The following VAMP5 variants were observed in gnomAD, a reference collection of about 807,000 sequenced individuals.
VAMP5 encodes vesicle associated membrane protein 5, also known as vesicle-associated membrane protein 5.
In VAMP5, 10 loss-of-function variants were observed where a neutral mutation model predicts 8.1. The observed-to-expected ratio is 1.23, with a 90% CI of 0.76 to 2.09. The LOEUF is 2.09. Among genes scored for constraint, VAMP5 ranks in the 30% most tolerant of loss-of-function variants. VAMP5 has a pLI of 0.00. For synonymous variants in VAMP5, 62 were observed against 60.6 expected (o/e 1.02, Z -0.11); for missense variants, 135 against 152.5 (o/e 0.89, Z 0.60).
chr2:85,587,534 G>A (rs898957268), intron 1 of VAMP5, among the ~76,000 whole-genome samples: 10 of 151,150 alleles, frequency 6.6e-5, no homozygotes, highest in Non-Finnish European at 1.2e-4. Context: ...TTACAGGCGT[G>A]AGCCACCACA....
intron 1 of VAMP5, among the ~76,000 whole-genome samples, 182 bp downstream of exon 1, chr2:85,584,675 T>C (rs951397490): frequency 1.1e-4 from 17 of 152,182 alleles, no homozygotes; most frequent in African/African-American, 3.6e-4. Flanking sequence ...GCGCGCCGCA[T>C]GGGAGAGAAA....
intron 1 of VAMP5, 188 bp from the exon 2 acceptor site, chr2:85,591,537 T>A: frequency 1.2e-6 from 1 of 804,534 alleles, no homozygotes; most frequent in South Asian, 1.8e-5. Flanking sequence ...CCTGTGAGAC[T>A]TAAGGTGTGC....
intron 1 of VAMP5, among the ~76,000 whole-genome samples, chr2:85,589,948 G>C (rs189511038): frequency 1.3e-5 from 2 of 152,318 alleles, no homozygotes; most frequent in African/African-American, 4.8e-5. Context: ...GTGAGCCACT[G>C]CGCCCAGCCT....
rs572114891 is a variant in VAMP5 at position 85,592,249 on chromosome 2, C to T, written c.141+387C>T. Among the ~76,000 whole-genome samples the T allele has an allele frequency of 2.6e-5, 4 of 152,306 alleles. No homozygotes were observed. The East Asian group carries it at 7.7e-4, about 29-fold the overall frequency. On this transcript the variant is annotated intron_variant, in intron 2 of 2. Transcript: ENST00000306384. The stretch of plus-strand genomic sequence containing the variant: ...AAGAGCTAGGACTACAAGCCTGCAC[C>T]ACCATGCCTGTCTAATTTTTGATTT...
intron 1 of VAMP5, 58 bp from the exon 2 acceptor site, chr2:85,591,667 G>A: frequency 6.2e-7 from 1 of 1,610,088 alleles, no homozygotes; most frequent in African/African-American, 1.3e-5. Flanking sequence ...AGATCTCAGG[G>A]GCAGATGAGG....
chr2:85,592,977 C>A lies in VAMP5; in HGVS notation c.171C>A (p.Asn57Lys), dbSNP rs1229154101. 1 of 1,613,948 alleles carries A rather than the reference C, an allele frequency of 6.2e-7. No individual in the cohort carries two copies. Among genetic ancestry groups the A allele is most frequent in the Non-Finnish European group, 8.5e-7 (1 of 1,180,038 alleles). ...CAACCTTCAACAAGACTACACAGAA[C>A]CTGGCCCAGAAGAAGTGCTGGGAGA... ...MSSTFNKTTQ[N>K]LAQKKCWENI... The change falls in exon 3 of 3, where the codon AAC becomes AAA. Residue 57 changes from asparagine to lysine, a missense_variant. By Grantham distance (94) the Asn-to-Lys change is moderately conservative. Transcript: ENST00000306384.
intron 1 of VAMP5, among the ~76,000 whole-genome samples, chr2:85,587,243 G>A (rs1245044542): frequency 3.3e-5 from 5 of 150,604 alleles, no homozygotes; most frequent in Non-Finnish European, 7.4e-5. Flanking sequence ...AGGTTTTACT[G>A]ACCACCTGTA....
intron 2 of VAMP5, among the ~76,000 whole-genome samples, chr2:85,592,540 C>T (rs964567832): frequency 4.6e-5 from 7 of 152,066 alleles, no homozygotes; most frequent in East Asian, 3.9e-4. Flanking sequence ...CGGTGTCTCA[C>T]GCCTGTAATC....
Position 85,591,759 on chromosome 2 carries a change from C to T in VAMP5, c.38C>T (p.Ala13Val), listed in dbSNP as rs200377485. 5.6e-6 allele frequency: 9 copies of T among 1,614,066 alleles called. 1 individual carries two copies. Among genetic ancestry groups the T allele is most frequent in the Admixed American group, 3.3e-5 (2 of 60,028 alleles). ...GAGTTGGAGCGGTGCCAGCAGCAGGCGAACGAGGTGACGGAAATTATGCGT... is the reference window on the plus strand; with the variant it reads ...GAGTTGGAGCGGTGCCAGCAGCAGGTGAACGAGGTGACGGAAATTATGCGT... The part of the protein sequence containing the change: ...GIELERCQQQ[A>V]NEVTEIMRNN... Residue 13 changes from alanine to valine, a missense_variant, in exon 2 of 3, where the codon GCG becomes GTG. Ala to Val is a moderately conservative substitution (Grantham distance 64). Coordinates refer to ENST00000306384, the MANE Select transcript of VAMP5 (RefSeq NM_006634.3).
At chr2:85,589,994 A>T (rs1376980276) in intron 1 of VAMP5, among the ~76,000 whole-genome samples, 1 of 152,086 alleles carries the variant, frequency 6.6e-6, no homozygotes, top group East Asian at 1.9e-4. Context: ...AGTTCAAAGG[A>T]TTGAATGATG....
chr2:85,591,085 T>C (rs1329724870), intron 1 of VAMP5, among the ~76,000 whole-genome samples: 2 of 152,162 alleles, frequency 1.3e-5, no homozygotes, highest in Admixed American at 6.5e-5. Flanking sequence ...CCACTGAGGT[T>C]CCCAGACGGA....
chr2:85,587,813 C>A (rs139767061), intron 1 of VAMP5, among the ~76,000 whole-genome samples: 2,766 of 152,252 alleles, frequency 0.018, 38 homozygotes, highest in Middle Eastern at 0.034. Context: ...AGGATTTCAA[C>A]AGACGGGTGC....
chr2:85,584,516 C>T, intron 1 of VAMP5, 23 bp downstream of exon 1: 1 of 1,238,000 alleles, frequency 8.1e-7, no homozygotes, highest in Non-Finnish European at 1.0e-6. Context: ...GCGGGGCCGG[C>T]CAGCCCTGCG....
chr2:85,587,289 G>A (rs537310874), intron 1 of VAMP5, among the ~76,000 whole-genome samples: 15 of 149,788 alleles, frequency 1.0e-4, no homozygotes, highest in Admixed American at 2.7e-4. Flanking sequence ...ACAGAATCTC[G>A]CTCTGTCGCC....
chr2:85,588,882 C>G (rs1036404514), intron 1 of VAMP5, among the ~76,000 whole-genome samples: 4 of 152,220 alleles, frequency 2.6e-5, no homozygotes, highest in African/African-American at 9.6e-5. Flanking sequence ...GGCACCCTCT[C>G]TGTGGCAGCT....
intron 1 of VAMP5, among the ~76,000 whole-genome samples, chr2:85,588,671 G>A (rs1027660294): frequency 6.6e-6 from 1 of 152,068 alleles, no homozygotes; most frequent in Non-Finnish European, 1.5e-5. Flanking sequence ...ACTGTCACCC[G>A]TGGCTCAAAA....
rs144330389 is a variant in VAMP5, at chr2:85,592,491, C to T, written c.142-457C>T. Among the ~76,000 whole-genome samples the T allele has an allele frequency of 9.9e-4, 151 of 152,128 alleles. 2 individuals are homozygous for T. The Middle Eastern group carries it at 0.017, about 17-fold the overall frequency. ...GATGAGTCAGGCTGGGAGGGTTCCA[C>T]GGCAGGTGGTATAGAAAGAGAGCAG... On this transcript the variant is annotated intron_variant, in intron 2 of 2. Coordinates refer to ENST00000306384, the MANE Select transcript of VAMP5 (RefSeq NM_006634.3).
intron 1 of VAMP5, 145 bp downstream of exon 1, chr2:85,584,638 C>A: frequency 9.7e-7 from 1 of 1,035,322 alleles, no homozygotes; most frequent in Non-Finnish European, 1.2e-6. Context: ...ACTGCTGGAG[C>A]AGGACGGGGC....
chr2:85,591,802 C>T lies in VAMP5; in HGVS notation c.81C>T (p.Val27=), dbSNP rs1468434733. Residue 27 remains valine, a synonymous_variant, in exon 2 of 3, where the codon GTC becomes GTT. Coordinates refer to ENST00000306384, the MANE Select transcript of VAMP5 (RefSeq NM_006634.3). ...TEIMRNNFGK[V]LERGVKLAEL... ...TTATGCGTAACAACTTCGGCAAGGT[C>T]CTGGAGCGTGGTGTGAAGCTGGCCG... 1.2e-6 allele frequency: 2 copies of T among 1,614,156 alleles called. No individual in the cohort carries two copies. Among genetic ancestry groups the T allele is most frequent in the Admixed American group, 1.7e-5 (1 of 60,020 alleles).
Sources: gnomAD v4.1 joint callset for allele counts (sites outside exome capture counted in the v4.1 genomes callset) on GRCh38, gnomAD v4.1.1 for gene constraint, MANE v1.5 for transcripts, NCBI Gene and HGNC (gene_info 2026-07-23, HGNC 2026-07-21) for gene names.